TRAK1: variants seen among roughly 807,000 people sequenced by gnomAD.
TRAK1 encodes trafficking kinesin-binding protein 1.
TRAK1 carries 33 observed loss-of-function variants against 92.1 expected under a neutral mutation model. The observed-to-expected ratio is 0.36, with a 90% CI of 0.27 to 0.48. TRAK1 has a LOEUF of 0.48. Among genes scored for constraint, TRAK1 ranks in the 20% least tolerant of loss-of-function variants. TRAK1 has a pLI of 0.99. For missense variants in TRAK1, 1,123 were observed against 1,257.9 expected (o/e 0.89, Z 1.62); for synonymous variants, 521 against 517.3 (o/e 1.01, Z -0.10).
At chr3:42,133,931 A>AT (rs1341753631) in intron 2 of TRAK1, among the ~76,000 whole-genome samples, 3 of 152,234 alleles carry the variant, frequency 2.0e-5, no homozygotes, top group African/African-American at 7.2e-5. Context: ...TGGACTAAAA[A>AT]TTTTTTTAAA....
chr3:42,165,143 A>G (rs1210304897), intron 2 of TRAK1, among the ~76,000 whole-genome samples: 2 of 152,162 alleles, frequency 1.3e-5, no homozygotes, highest in Non-Finnish European at 2.9e-5. Context: ...GAGATGCACA[A>G]TGGTCTGGAG....
intron 14 of TRAK1, chr3:42,218,175 C>G (rs1709921624): frequency 1.0e-6 from 1 of 985,214 alleles, no homozygotes; most frequent in South Asian, 4.7e-5. Context: ...ATCTGTGTCT[C>G]CAGCATTTAT....
intron 1 of TRAK1, among the ~76,000 whole-genome samples, chr3:42,079,715 A>G (rs925346595): frequency 2.0e-5 from 3 of 152,058 alleles, no homozygotes; most frequent in African/African-American, 7.2e-5. Context: ...TCCTGACCTC[A>G]GGTGATCCGC....
At chr3:42,203,304 C>G (rs1707908993) in intron 13 of TRAK1, 1 of 991,360 alleles carries the variant, frequency 1.0e-6, no homozygotes, top group East Asian at 1.1e-4. Flanking sequence ...GCAGTATGTT[C>G]TGAGCGCGGC....
intron 1 of TRAK1, among the ~76,000 whole-genome samples, chr3:42,036,691 C>G (rs1702338436): frequency 6.6e-6 from 1 of 152,160 alleles, no homozygotes; most frequent in Admixed American, 6.5e-5. Flanking sequence ...TACAGACTTC[C>G]TAGGCTTGAC....
chr3:42,202,598 G>A lies in TRAK1; in HGVS notation c.1590G>A (p.Lys530=). ...GGAAGCTCCAGGAGCTGGCGGAGAA[G>A]GGCGAGCTGCGCAGCGGCTCCCTCA... The part of the protein sequence containing the change: ...QERKLQELAE[K]GELRSGSLTP... Residue 530 remains lysine, a synonymous_variant, in exon 13 of 16, where the codon AAG becomes AAA. Transcript: ENST00000327628. The surrounding 1 kb of genome is among the most constrained non-coding windows in gnomAD (Gnocchi z 6.1). The A allele has an allele frequency of 6.3e-7, 1 of 1,592,810 alleles. No individual in the cohort carries two copies. The highest frequency in any genetic ancestry group is 8.6e-7 in the Non-Finnish European group (1 of 1,163,808).
chr3:42,190,352 ATCTTCATGTCCCGTCTG>A (rs1174746352), intron 6 of TRAK1, among the ~76,000 whole-genome samples: 1 of 152,082 alleles, frequency 6.6e-6, no homozygotes, highest in East Asian at 1.9e-4. Context: ...CCTTGGTAAG[ATCTTCATGTCCCGTCTG>A]AACAAGATGC....
intron 2 of TRAK1, among the ~76,000 whole-genome samples, chr3:42,136,672 C>A (rs554075683): frequency 6.8e-4 from 97 of 142,654 alleles, no homozygotes; most frequent in East Asian, 2.1e-3. Context: ...AAATAAATAA[C>A]ATTTCTTTTC....
At chr3:42,203,110 G>A (rs2149479566) in intron 13 of TRAK1, 1 of 1,230,532 alleles carries the variant, frequency 8.1e-7, no homozygotes, top group Non-Finnish European at 1.0e-6. Flanking sequence ...GGTTTTGCCT[G>A]TGGGTGTGAG....
At position 42,194,956 on chromosome 3, in the gene TRAK1, C is replaced by A; in HGVS notation, c.1113+15C>A. On this transcript the variant is annotated intron_variant, in intron 10 of 15. Coordinates refer to ENST00000327628, the MANE Select transcript of TRAK1 (RefSeq NM_001042646.3). The stretch of plus-strand genomic sequence containing the variant: ...TGTTTCCCATGGTGAGCTGTGCTTT[C>A]TTCCCAGCCAGAGGACAGGAGGGGT... The A allele has an allele frequency of 6.2e-7, 1 of 1,612,932 alleles. No homozygotes were observed. The highest frequency in any genetic ancestry group is 8.5e-7 in the Non-Finnish European group (1 of 1,179,448).
chr3:42,074,918 A>C (rs1042392502), intron 1 of TRAK1, among the ~76,000 whole-genome samples: 6 of 152,110 alleles, frequency 3.9e-5, no homozygotes, highest in African/African-American at 1.4e-4. Context: ...ATGTGTATTC[A>C]GTGTTTAACT....
At chr3:42,160,011 T>G (rs908812981) in intron 2 of TRAK1, among the ~76,000 whole-genome samples, 1 of 152,046 alleles carries the variant, frequency 6.6e-6, no homozygotes, top group South Asian at 2.1e-4. Flanking sequence ...GTGGAGAGGG[T>G]CTAGGAGGCC....
At chr3:42,156,227 C>G (rs1447538458) in intron 2 of TRAK1, among the ~76,000 whole-genome samples, 1 of 152,230 alleles carries the variant, frequency 6.6e-6, no homozygotes, top group African/African-American at 2.4e-5. Context: ...AAACTACACT[C>G]TCAGGGAAGA....
chr3:42,157,155 A>G lies in TRAK1; in HGVS notation c.287-19659A>G, dbSNP rs534510379. On this transcript the variant is annotated intron_variant, in intron 2 of 15. Coordinates refer to ENST00000327628, the MANE Select transcript of TRAK1 (RefSeq NM_001042646.3). ...AGAGAGAGTGAGACTCTGTCTGGAAAAAAAAAAAAAATTACTGATGGGACC... is the reference window on the plus strand; with the variant it reads ...AGAGAGAGTGAGACTCTGTCTGGAAGAAAAAAAAAAATTACTGATGGGACC... Among the ~76,000 whole-genome samples the G allele has an allele frequency of 2.3e-4, 35 of 151,578 alleles. 1 individual carries two copies. The South Asian group carries it at 3.4e-3, about 15-fold the overall frequency.
chr3:42,064,106 C>G (rs1703570718), intron 1 of TRAK1, among the ~76,000 whole-genome samples: 1 of 152,174 alleles, frequency 6.6e-6, no homozygotes, highest in Non-Finnish European at 1.5e-5. Flanking sequence ...TTATTACTAT[C>G]TGACCTGAGG....
At chr3:42,023,946 G>T (rs1701824592) in intron 1 of TRAK1, among the ~76,000 whole-genome samples, 1 of 151,862 alleles carries the variant, frequency 6.6e-6, no homozygotes, top group Non-Finnish European at 1.5e-5. Flanking sequence ...GTAGGGATGG[G>T]GTTTCGCCAT....
At chr3:42,212,654 T>C (rs1709191361) in intron 14 of TRAK1, 1 of 661,144 alleles carries the variant, frequency 1.5e-6, no homozygotes, top group Non-Finnish European at 1.9e-6. Flanking sequence ...ATTTCAGTGA[T>C]ATGTTTTATG....
chr3:42,038,812 T>TTTG (rs1338540892), intron 1 of TRAK1, among the ~76,000 whole-genome samples: 2 of 146,882 alleles, frequency 1.4e-5, no homozygotes, highest in Admixed American at 6.7e-5. Context: ...AGTTTTTTTT[T>TTTG]TTTTTTTTTT....
At chr3:42,128,988 T>C (rs1576504419) in intron 2 of TRAK1, among the ~76,000 whole-genome samples, 1 of 152,246 alleles carries the variant, frequency 6.6e-6, no homozygotes, top group Non-Finnish European at 1.5e-5. Flanking sequence ...AGCCTTTTTT[T>C]GTCGTTGTTA....
Sources: allele counts gnomAD v4.1 joint callset (sites outside exome capture counted in the v4.1 genomes callset), GRCh38; gene constraint gnomAD v4.1.1; non-coding constraint Gnocchi (gnomAD v3.1); transcripts MANE v1.5; gene names NCBI Gene and HGNC (gene_info 2026-07-23, HGNC 2026-07-21).